LTBP1: variants seen among roughly 807,000 people sequenced by gnomAD.
The protein encoded by LTBP1 is latent-transforming growth factor beta-binding protein 1.
LTBP1 carries 129 observed loss-of-function variants against 207.6 expected under a neutral mutation model. The observed-to-expected ratio is 0.62, with a 90% confidence interval of 0.54 to 0.72. LTBP1 has a LOEUF of 0.72. Ranked by LOEUF, LTBP1 falls within the 30% of genes least tolerant of loss-of-function variation. The pLI, the probability that LTBP1 is intolerant of heterozygous loss-of-function variation, is 0.00. For synonymous variants in LTBP1, 963 were observed against 833.7 expected (o/e 1.16, Z -2.67); for missense variants, 2,281 against 2,217.2 (o/e 1.03, Z -0.58).
At chr2:33,369,292 A>G (rs1258822709) in intron 31 of LTBP1, among the ~76,000 whole-genome samples, 3 of 152,224 alleles carry the variant, frequency 2.0e-5, no homozygotes, top group Admixed American at 6.5e-5. Flanking sequence ...TCTAGTGTAC[A>G]TGGTCAGCCA....
At chr2:33,344,671 A>T (rs1398187838) in intron 25 of LTBP1, among the ~76,000 whole-genome samples, 1 of 152,114 alleles carries the variant, frequency 6.6e-6, no homozygotes, top group African/African-American at 2.4e-5. Context: ...CTATTATAGC[A>T]CTTACAACCT....
chr2:33,186,101 A>G (rs920281207), intron 5 of LTBP1, among the ~76,000 whole-genome samples: 2 of 152,310 alleles, frequency 1.3e-5, no homozygotes, highest in Non-Finnish European at 2.9e-5. Context: ...CTTCACTGAG[A>G]TCTTGTTACA....
chr2:33,047,779 T>A (rs2076519812), intron 3 of LTBP1, among the ~76,000 whole-genome samples: 1 of 152,202 alleles, frequency 6.6e-6, no homozygotes, highest in Admixed American at 6.5e-5. Context: ...AAGAACTTGC[T>A]TTATGAATCT....
At chr2:33,030,480 C>A (rs773274129) in intron 3 of LTBP1, among the ~76,000 whole-genome samples, 1 of 152,110 alleles carries the variant, frequency 6.6e-6, no homozygotes, top group Middle Eastern at 3.2e-3. Flanking sequence ...CAGAAAAAAC[C>A]ATTTCCGTGT....
intron 3 of LTBP1, among the ~76,000 whole-genome samples, chr2:33,038,453 C>T (rs888327791): frequency 6.6e-6 from 1 of 152,234 alleles, no homozygotes; most frequent in Non-Finnish European, 1.5e-5. Context: ...GCAGATGCCC[C>T]TCCAGGGAAA....
chr2:33,281,383 T>A (rs564268656), intron 19 of LTBP1, among the ~76,000 whole-genome samples: 1 of 152,098 alleles, frequency 6.6e-6, no homozygotes, highest in Non-Finnish European at 1.5e-5. Context: ...AAACAGCATA[T>A]GCAAGAGGCT....
intron 3 of LTBP1, among the ~76,000 whole-genome samples, chr2:33,043,388 A>C (rs2076287883): frequency 6.6e-6 from 1 of 152,176 alleles, no homozygotes; most frequent in Admixed American, 6.5e-5. Flanking sequence ...AATTATAAAA[A>C]ATCGTATATT....
intron 32 of LTBP1, among the ~76,000 whole-genome samples, chr2:33,391,250 A>G (rs1286054560): frequency 1.3e-5 from 1 of 78,834 alleles, no homozygotes; most frequent in East Asian, 4.9e-4. Context: ...GCCTTTTCCC[A>G]CCCCCCTCCC....
At chr2:32,961,424 A>G (rs562951359) in intron 2 of LTBP1, among the ~76,000 whole-genome samples, 3 of 152,344 alleles carry the variant, frequency 2.0e-5, no homozygotes, top group Admixed American at 6.5e-5. Flanking sequence ...AAAATGTTCA[A>G]TCCTTTAAAA....
intron 3 of LTBP1, among the ~76,000 whole-genome samples, chr2:33,081,614 G>C (rs1039232247): frequency 2.3e-4 from 35 of 152,154 alleles, no homozygotes; most frequent in African/African-American, 8.4e-4. Context: ...GGAGTAGTAA[G>C]AGAGAAGGCT....
At chr2:33,370,214 T>A (rs1574049530) in intron 31 of LTBP1, among the ~76,000 whole-genome samples, 1 of 152,332 alleles carries the variant, frequency 6.6e-6, no homozygotes, top group East Asian at 1.9e-4. Context: ...GCGTCTCAGA[T>A]CAAATGCATT....
chr2:33,001,416 C>T (rs1228022779), intron 2 of LTBP1, among the ~76,000 whole-genome samples: 2 of 134,714 alleles, frequency 1.5e-5, no homozygotes, highest in African/African-American at 5.2e-5. Context: ...TCGAAAGATT[C>T]CAGGTGGGAC....
At chr2:33,198,564 CA>C (rs1282386082) in intron 7 of LTBP1, among the ~76,000 whole-genome samples, 1 of 152,174 alleles carries the variant, frequency 6.6e-6, no homozygotes, top group Non-Finnish European at 1.5e-5. Flanking sequence ...TGATTATTGC[CA>C]CCATTTCAGA....
intron 24 of LTBP1, among the ~76,000 whole-genome samples, chr2:33,336,233 C>A (rs1348534023): frequency 6.6e-6 from 1 of 152,186 alleles, no homozygotes; most frequent in Admixed American, 6.5e-5. Context: ...TCATAGTGGG[C>A]AAACTCCAGT....
chr2:32,974,864 T>C (rs532399221), intron 2 of LTBP1, among the ~76,000 whole-genome samples: 34 of 152,370 alleles, frequency 2.2e-4, no homozygotes, highest in African/African-American at 7.7e-4. Flanking sequence ...ACTGAGACGT[T>C]TAACCCATTT....
chr2:33,143,436 C>G (rs1471733165), intron 5 of LTBP1, among the ~76,000 whole-genome samples: 1 of 152,128 alleles, frequency 6.6e-6, no homozygotes, highest in Admixed American at 6.5e-5. Flanking sequence ...TTACCTGATA[C>G]AGCTTCATCA....
At chr2:33,112,076 A>AT (rs536966841) in intron 4 of LTBP1, among the ~76,000 whole-genome samples, 3 of 152,148 alleles carry the variant, frequency 2.0e-5, no homozygotes, top group African/African-American at 4.8e-5. Flanking sequence ...ACAGATGACA[A>AT]TTTTTTTAAA....
intron 15 of LTBP1, among the ~76,000 whole-genome samples, chr2:33,263,965 A>G (rs1220152511): frequency 7.2e-6 from 1 of 139,406 alleles, no homozygotes; most frequent in Non-Finnish European, 1.6e-5. Context: ...AAAGAAAAAA[A>G]AAAAAAAGGA....
At chr2:33,260,500 C>T (rs2092980072) in intron 13 of LTBP1, among the ~76,000 whole-genome samples, 1 of 152,010 alleles carries the variant, frequency 6.6e-6, no homozygotes, top group African/African-American at 2.4e-5. Flanking sequence ...TTAGATGAGG[C>T]AATACATACA....
Sources: gnomAD v4.1 joint callset for allele counts (sites outside exome capture counted in the v4.1 genomes callset) on GRCh38, gnomAD v4.1.1 for gene constraint, MANE v1.5 for transcripts, NCBI Gene and HGNC (gene_info 2026-07-23, HGNC 2026-07-21) for gene names.